The following MAGI2 variants were observed in gnomAD, a reference collection of about 807,000 sequenced individuals.
MAGI2 encodes membrane associated guanylate kinase, WW and PDZ domain containing 2, also known as membrane-associated guanylate kinase, WW and PDZ domain-containing protein 2.
In MAGI2, 35 loss-of-function variants were observed where a neutral mutation model predicts 133.3. The ratio of observed to expected loss-of-function variants is 0.26; its 90% CI spans 0.20 to 0.35. MAGI2 has a LOEUF of 0.35. MAGI2 is among the 10% of genes least tolerant of loss of function. MAGI2 has a pLI of 1.00. For missense variants in MAGI2, 1,636 were observed against 1,863.4 expected, an observed-to-expected ratio of 0.88 and a Z score of 2.25; for synonymous variants, 729 against 710.6, an observed-to-expected ratio of 1.03 and a Z score of -0.41.
At chr7:79,254,227 C>A (rs1456229238) in intron 1 of MAGI2, among the ~76,000 whole-genome samples, 1 of 152,030 alleles carries the variant, frequency 6.6e-6, no homozygotes, top group South Asian at 2.1e-4. Context: ...GGTTGTTCAA[C>A]TTTTTCTATT....
chr7:78,828,408 C>A (rs1790854801), intron 2 of MAGI2, among the ~76,000 whole-genome samples: 1 of 152,132 alleles, frequency 6.6e-6, no homozygotes, highest in Non-Finnish European at 1.5e-5. Flanking sequence ...TCTTCCCCAA[C>A]ACACAATTCT....
rs982181727 is a variant in MAGI2, at chr7:78,325,357, C to T, written c.1408+18421G>A. Among the ~76,000 whole-genome samples the T allele has an allele frequency of 2.0e-5, 3 of 152,262 alleles. No individual in the cohort carries two copies. The South Asian group carries it at 6.2e-4, about 32-fold the overall frequency. On this transcript the variant is annotated intron_variant, in intron 9 of 21. Coordinates refer to ENST00000354212, the MANE Select transcript of MAGI2 (RefSeq NM_012301.4). ...TGCTGAATCTTCCAGACAAACTTTA[C>T]AGCCTTGTTCACATACTACCTGACC...
chr7:79,406,883 A>T (rs1019470208), intron 1 of MAGI2, among the ~76,000 whole-genome samples: 2 of 152,148 alleles, frequency 1.3e-5, no homozygotes, highest in Non-Finnish European at 2.9e-5. Flanking sequence ...AGAAGTGTCT[A>T]TTAAAGGCAG....
intron 3 of MAGI2, among the ~76,000 whole-genome samples, chr7:78,626,244 C>T (rs1357602733): frequency 6.6e-6 from 1 of 152,022 alleles, no homozygotes; most frequent in African/African-American, 2.4e-5. Context: ...AAATTATTTT[C>T]TACTTTTTTA....
chr7:78,158,908 C>T (rs1452913191), intron 16 of MAGI2, among the ~76,000 whole-genome samples: 10 of 152,054 alleles, frequency 6.6e-5, no homozygotes, highest in African/African-American at 2.4e-4. Flanking sequence ...ATTTTGCAGA[C>T]CTTGCACTCA....
intron 3 of MAGI2, among the ~76,000 whole-genome samples, chr7:78,564,785 T>C (rs1309341610): frequency 1.0e-5 from 1 of 99,474 alleles, no homozygotes; most frequent in Non-Finnish European, 2.1e-5. Context: ...TTGACATTCT[T>C]TTTTTTTTTT....
chr7:78,671,564 C>G (rs1814396603), intron 2 of MAGI2, among the ~76,000 whole-genome samples: 1 of 151,900 alleles, frequency 6.6e-6, no homozygotes, highest in South Asian at 2.1e-4. Context: ...TTTTTTCGAG[C>G]CAGCCAGAGG....
chr7:78,735,397 A>G (rs1821752491), intron 2 of MAGI2, among the ~76,000 whole-genome samples: 1 of 152,204 alleles, frequency 6.6e-6, no homozygotes, highest in African/African-American at 2.4e-5. Flanking sequence ...AGCTAACTGG[A>G]CTATGAGATA....
intron 2 of MAGI2, among the ~76,000 whole-genome samples, chr7:78,845,118 A>T (rs6951658): frequency 6.6e-6 from 1 of 151,920 alleles, no homozygotes; most frequent in South Asian, 2.1e-4. Flanking sequence ...TTTAACCACA[A>T]ATTAAAGTCT....
chr7:78,406,209 C>T (rs777500066), intron 6 of MAGI2, among the ~76,000 whole-genome samples: 9 of 151,948 alleles, frequency 5.9e-5, no homozygotes, highest in South Asian at 4.1e-4. Flanking sequence ...TTCTCATTTA[C>T]GAGCAAAACA....
chr7:78,928,312 T>A (rs1261429855), intron 2 of MAGI2, among the ~76,000 whole-genome samples: 2 of 151,940 alleles, frequency 1.3e-5, no homozygotes, highest in Admixed American at 1.3e-4. Context: ...ACTAAGGTTA[T>A]GACAAAGAGA....
intron 3 of MAGI2, among the ~76,000 whole-genome samples, chr7:78,596,413 A>G (rs1047363707): frequency 2.0e-5 from 3 of 152,190 alleles, no homozygotes; most frequent in Non-Finnish European, 4.4e-5. Flanking sequence ...TCTGGCCCCA[A>G]GAGCTTCTAT....
intron 21 of MAGI2, among the ~76,000 whole-genome samples, chr7:78,056,433 G>T (rs1239661933): frequency 6.6e-6 from 1 of 152,138 alleles, no homozygotes; most frequent in Non-Finnish European, 1.5e-5. Context: ...GCCCATCAAT[G>T]ATAGACTGGA....
intron 6 of MAGI2, chr7:78,484,334 T>C (rs763381316): frequency 7.2e-5 from 11 of 152,024 alleles, no homozygotes; most frequent in Non-Finnish European, 1.0e-4. Flanking sequence ...TTTAAAAAGA[T>C]AGATTAATTA....
intron 1 of MAGI2, among the ~76,000 whole-genome samples, chr7:79,242,543 T>C (rs1832498214): frequency 1.3e-5 from 2 of 152,236 alleles, no homozygotes; most frequent in Admixed American, 1.3e-4. Context: ...ACTCTTAGTA[T>C]GCTTTATTTG....
chr7:78,903,138 T>G (rs1278971125), intron 2 of MAGI2, among the ~76,000 whole-genome samples: 1 of 148,872 alleles, frequency 6.7e-6, no homozygotes, highest in Non-Finnish European at 1.5e-5. Context: ...TAGGGCCACT[T>G]TCTCGGGATT....
chr7:78,511,418 G>T (rs1795553038), intron 4 of MAGI2, among the ~76,000 whole-genome samples: 1 of 151,630 alleles, frequency 6.6e-6, no homozygotes, highest in Non-Finnish European at 1.5e-5. Context: ...ATTGCTCAAA[G>T]AATGCTCTTA....
chr7:79,155,615 A>G (rs1823699598), intron 1 of MAGI2, among the ~76,000 whole-genome samples: 2 of 152,168 alleles, frequency 1.3e-5, no homozygotes, highest in Non-Finnish European at 2.9e-5. Context: ...GTGAGATCTA[A>G]GAAAAAGGCA....
chr7:78,594,368 A>G (rs1804365018), intron 3 of MAGI2, among the ~76,000 whole-genome samples: 1 of 152,200 alleles, frequency 6.6e-6, no homozygotes, highest in Non-Finnish European at 1.5e-5. Context: ...GACTTTATAC[A>G]AAGGCTGGAA....
Sources: allele counts gnomAD v4.1 joint callset (sites outside exome capture counted in the v4.1 genomes callset), GRCh38; gene constraint gnomAD v4.1.1; transcripts MANE v1.5; gene names NCBI Gene and HGNC (gene_info 2026-07-23, HGNC 2026-07-21).